The following LRRTM4 variants were observed in gnomAD, a reference collection of about 807,000 sequenced individuals.
LRRTM4 encodes the protein leucine-rich repeat transmembrane neuronal protein 4.
A neutral mutation model predicts 47.6 loss-of-function variants in LRRTM4; 25 were observed. The observed-to-expected ratio is 0.53, with a 90% confidence interval of 0.38 to 0.73. The LOEUF (loss-of-function observed/expected upper bound fraction) is 0.73. LRRTM4 is among the 30% of genes least tolerant of loss of function. The pLI, the probability that LRRTM4 is intolerant of heterozygous loss-of-function variation, is 0.00. For synonymous variants in LRRTM4, 311 were observed against 269.5 expected (o/e 1.15, Z -1.51); for missense variants, 638 against 713.4 (o/e 0.89, Z 1.20).
chr2:77,031,393 T>C (rs1474844599), intron 3 of LRRTM4, among the ~76,000 whole-genome samples: 1 of 152,216 alleles, frequency 6.6e-6, no homozygotes, highest in Non-Finnish European at 1.5e-5. Flanking sequence ...TATTTTACTA[T>C]AACATCTGAG....
chr2:77,029,143 TTAG>T (rs1678563336), intron 3 of LRRTM4, among the ~76,000 whole-genome samples: 1 of 149,202 alleles, frequency 6.7e-6, no homozygotes, highest in Admixed American at 6.7e-5. Flanking sequence ...AATCTATGAG[TTAG>T]TAGACAAGTT....
intron 3 of LRRTM4, among the ~76,000 whole-genome samples, chr2:76,895,525 A>C (rs995943097): frequency 2.6e-5 from 4 of 152,158 alleles, no homozygotes; most frequent in African/African-American, 9.6e-5. Context: ...AGAACTGCTC[A>C]TCTCTCCCAG....
chr2:77,504,940 G>T (rs1045337884), intron 3 of LRRTM4, among the ~76,000 whole-genome samples: 1 of 150,904 alleles, frequency 6.6e-6, no homozygotes, highest in African/African-American at 2.4e-5. Flanking sequence ...ATCCAAAAGG[G>T]GTTCTACAAA....
At chr2:76,777,331 T>C (rs1391766488) in intron 3 of LRRTM4, among the ~76,000 whole-genome samples, 1 of 142,266 alleles carries the variant, frequency 7.0e-6, no homozygotes, top group Non-Finnish European at 1.5e-5. Context: ...TGGCATTGAA[T>C]CTGTAAATTA....
At chr2:76,935,209 T>TTTGTATATTATA (rs1674902355) in intron 3 of LRRTM4, among the ~76,000 whole-genome samples, 1 of 152,166 alleles carries the variant, frequency 6.6e-6, no homozygotes, top group African/African-American at 2.4e-5. Context: ...ACATATTCTT[T>TTTGTATATTATA]CAGGCCAAAT....
At chr2:76,833,734 C>A (rs1211591480) in intron 3 of LRRTM4, among the ~76,000 whole-genome samples, 1 of 151,764 alleles carries the variant, frequency 6.6e-6, no homozygotes, top group Admixed American at 6.6e-5. Flanking sequence ...TCTACATGCT[C>A]AATGTAAAAC....
At chr2:77,421,698 C>T (rs1674898009) in intron 3 of LRRTM4, among the ~76,000 whole-genome samples, 1 of 150,368 alleles carries the variant, frequency 6.7e-6, no homozygotes, top group African/African-American at 2.5e-5. Context: ...CAGAGGGAGA[C>T]TCCATCTCAA....
At chr2:77,012,145 A>G (rs1285816205) in intron 3 of LRRTM4, among the ~76,000 whole-genome samples, 1 of 152,120 alleles carries the variant, frequency 6.6e-6, no homozygotes, top group African/African-American at 2.4e-5. Flanking sequence ...TGAAAAATGT[A>G]GTTTAATTTT....
At chr2:77,427,879 A>G (rs1329227692) in intron 3 of LRRTM4, among the ~76,000 whole-genome samples, 2 of 152,172 alleles carry the variant, frequency 1.3e-5, no homozygotes, top group Admixed American at 1.3e-4. Context: ...AAATTTGCCA[A>G]CTTTCCCATT....
rs546898968 is a variant in LRRTM4, at chr2:76,811,892, A to C, written c.1552-62976T>G. Among the ~76,000 whole-genome samples the C allele has an allele frequency of 4.6e-3, 661 of 145,106 alleles. 5 individuals are homozygous for C. Among genetic ancestry groups the C allele is most frequent in the African/African-American group, 0.017 (617 of 35,806 alleles). ...AAGGATAGGAAAACATGTAAAACTGAATTTCTTTCCTAGATCTTACTCATT... is the reference window on the plus strand; with the variant it reads ...AAGGATAGGAAAACATGTAAAACTGCATTTCTTTCCTAGATCTTACTCATT... On this transcript the variant is annotated intron_variant, in intron 3 of 3. Coordinates refer to ENST00000409884, the MANE Select transcript of LRRTM4 (RefSeq NM_001134745.3).
chr2:77,228,435 T>C (rs2861017), intron 3 of LRRTM4, among the ~76,000 whole-genome samples: 30,473 of 151,882 alleles, frequency 0.2, 5,932 homozygotes, highest in African/African-American at 0.5. Context: ...CCATGAAAAT[T>C]ACATAAGCTC....
Position 77,418,699 on chromosome 2 carries a change from A to G in LRRTM4, c.1551+99619T>C, listed in dbSNP as rs568826690. Among the ~76,000 whole-genome samples, 265 of 152,146 alleles carry G rather than the reference A, an allele frequency of 1.7e-3. 1 individual carries two copies. The highest frequency in any genetic ancestry group is 0.014 in the Middle Eastern group (4 of 294). On this transcript the variant is annotated intron_variant, in intron 3 of 3. Coordinates refer to ENST00000409884, the MANE Select transcript of LRRTM4 (RefSeq NM_001134745.3). ...GCTGTTACCAGACCATAGCAGGTGC[A>G]CTCCTGCCTAAATATTTGAACTTGT...
chr2:76,933,578 A>C (rs1489111914), intron 3 of LRRTM4, among the ~76,000 whole-genome samples: 1 of 152,018 alleles, frequency 6.6e-6, no homozygotes, highest in Non-Finnish European at 1.5e-5. Context: ...GCATTTTATA[A>C]TTAATTATTG....
chr2:77,206,037 T>A (rs762544190), intron 3 of LRRTM4, among the ~76,000 whole-genome samples: 5 of 152,006 alleles, frequency 3.3e-5, no homozygotes, highest in Non-Finnish European at 7.4e-5. Flanking sequence ...AGGCAGGGTA[T>A]CACTATGTTG....
intron 3 of LRRTM4, among the ~76,000 whole-genome samples, chr2:77,497,656 T>C (rs773099336): frequency 6.6e-6 from 1 of 151,006 alleles, no homozygotes; most frequent in East Asian, 1.9e-4. Flanking sequence ...CATATACACA[T>C]ATATCTGTGT....
At chr2:77,367,084 A>G (rs1322236322) in intron 3 of LRRTM4, among the ~76,000 whole-genome samples, 1 of 151,550 alleles carries the variant, frequency 6.6e-6, no homozygotes, top group Non-Finnish European at 1.5e-5. Flanking sequence ...CATATTCTCT[A>G]TGTCCTCCAT....
intron 3 of LRRTM4, among the ~76,000 whole-genome samples, chr2:77,223,207 C>T (rs181239519): frequency 2.0e-5 from 3 of 152,144 alleles, no homozygotes; most frequent in South Asian, 2.1e-4. Context: ...TGGGGTGTAT[C>T]TCAAAAATAT....
intron 3 of LRRTM4, among the ~76,000 whole-genome samples, chr2:76,800,841 A>C (rs1442035297): frequency 6.7e-6 from 1 of 150,220 alleles, no homozygotes; most frequent in Non-Finnish European, 1.5e-5. Context: ...CAGCCAAAAA[A>C]CACATGAAAA....
At chr2:76,865,993 A>T (rs929683517) in intron 3 of LRRTM4, among the ~76,000 whole-genome samples, 4 of 152,180 alleles carry the variant, frequency 2.6e-5, no homozygotes, top group Non-Finnish European at 4.4e-5. Flanking sequence ...CAGGGTGATT[A>T]GTCAAAACCC....
Sources: allele counts gnomAD v4.1 joint callset (sites outside exome capture counted in the v4.1 genomes callset), GRCh38; gene constraint gnomAD v4.1.1; transcripts MANE v1.5; gene names NCBI Gene and HGNC (gene_info 2026-07-23, HGNC 2026-07-21).